Variants in CYRIA observed in about 807,000 individuals in gnomAD.
The protein encoded by CYRIA is CYFIP-related Rac1 interactor A.
CYRIA carries 15 observed loss-of-function variants against 43.9 expected under a neutral mutation model. The ratio of observed to expected loss-of-function variants is 0.34; its 90% confidence interval spans 0.23 to 0.53. The LOEUF (loss-of-function observed/expected upper bound fraction) is 0.53. Ranked by LOEUF, CYRIA falls within the 20% of genes least tolerant of loss-of-function variation. CYRIA has a pLI of 0.94. For synonymous variants in CYRIA, 117 were observed against 136.0 expected, an observed-to-expected ratio of 0.86 and a Z score of 0.97; for missense variants, 236 against 394.2, an observed-to-expected ratio of 0.60 and a Z score of 3.40.
chr2:16,606,132 G>A (rs1477461477), intron 2 of CYRIA, among the ~76,000 whole-genome samples: 1 of 152,086 alleles, frequency 6.6e-6, no homozygotes, highest in Non-Finnish European at 1.5e-5. Context: ...CCAAGTGAAT[G>A]TCCCACAAGC....
At chr2:16,638,405 T>C (rs1669568024) in intron 1 of CYRIA, among the ~76,000 whole-genome samples, 1 of 152,236 alleles carries the variant, frequency 6.6e-6, no homozygotes, top group Non-Finnish European at 1.5e-5. Context: ...TGATGGGATC[T>C]GGCCGGGAAA....
intron 1 of CYRIA, among the ~76,000 whole-genome samples, chr2:16,658,872 C>T (rs1213660579): frequency 6.6e-6 from 1 of 152,168 alleles, no homozygotes; most frequent in Non-Finnish European, 1.5e-5. Context: ...ACATAGTTAT[C>T]TTGTGTTCCT....
chr2:16,653,430 T>G (rs773111499), intron 1 of CYRIA, among the ~76,000 whole-genome samples: 2 of 152,158 alleles, frequency 1.3e-5, no homozygotes, highest in Non-Finnish European at 2.9e-5. Flanking sequence ...CTGACAACCC[T>G]ATTTAAAATA....
At chr2:16,588,500 G>C (rs892630800) in intron 2 of CYRIA, among the ~76,000 whole-genome samples, 1 of 151,678 alleles carries the variant, frequency 6.6e-6, no homozygotes, top group African/African-American at 2.4e-5. Context: ...ACAAAGTTTA[G>C]GAATGTTCTC....
intron 2 of CYRIA, among the ~76,000 whole-genome samples, chr2:16,603,539 A>G (rs573604956): frequency 6.6e-6 from 1 of 151,858 alleles, no homozygotes; most frequent in South Asian, 2.1e-4. Flanking sequence ...CCTTGGAAGG[A>G]CCCCCTGAGC....
chr2:16,593,605 C>G (rs181626785), intron 2 of CYRIA, among the ~76,000 whole-genome samples: 287 of 151,066 alleles, frequency 1.9e-3, no homozygotes, highest in African/African-American at 6.7e-3. Flanking sequence ...CGAACATAAA[C>G]AAATGCTTTT....
At chr2:16,585,720 C>A (rs1470425905) in intron 3 of CYRIA, among the ~76,000 whole-genome samples, 2 of 152,018 alleles carry the variant, frequency 1.3e-5, no homozygotes, top group Admixed American at 6.6e-5. Flanking sequence ...TTACATAAAA[C>A]ATTAAGAAAA....
At chr2:16,660,524 C>A (rs1296381899) in intron 1 of CYRIA, among the ~76,000 whole-genome samples, 1 of 152,218 alleles carries the variant, frequency 6.6e-6, no homozygotes, top group Non-Finnish European at 1.5e-5. Flanking sequence ...GTTTCCTCCC[C>A]TGATTCTCCC....
At chr2:16,571,299 G>A (rs1264145384) in intron 3 of CYRIA, among the ~76,000 whole-genome samples, 1 of 152,202 alleles carries the variant, frequency 6.6e-6, no homozygotes, top group Non-Finnish European at 1.5e-5. Flanking sequence ...ACCTGAGGCA[G>A]GGTGGAAGAT....
At chr2:16,582,425 G>A (rs1310829651) in intron 3 of CYRIA, among the ~76,000 whole-genome samples, 1 of 152,122 alleles carries the variant, frequency 6.6e-6, no homozygotes, top group Non-Finnish European at 1.5e-5. Flanking sequence ...TATATTCTTA[G>A]TGTTGTGCAA....
intron 2 of CYRIA, among the ~76,000 whole-genome samples, chr2:16,612,774 T>C (rs1445215214): frequency 6.6e-6 from 1 of 152,164 alleles, no homozygotes; most frequent in Non-Finnish European, 1.5e-5. Flanking sequence ...TGGATGCTCA[T>C]TTTATGGAAC....
chr2:16,616,910 C>A (rs898417451), intron 2 of CYRIA, among the ~76,000 whole-genome samples: 1 of 152,216 alleles, frequency 6.6e-6, no homozygotes, highest in Non-Finnish European at 1.5e-5. Flanking sequence ...TGCCCAAGAG[C>A]ATCTGGCTCC....
chr2:16,621,091 C>T (rs1362420956), intron 2 of CYRIA, among the ~76,000 whole-genome samples: 1 of 152,218 alleles, frequency 6.6e-6, no homozygotes, highest in Non-Finnish European at 1.5e-5. Context: ...AGCAACTCAA[C>T]TGCAGGGGCT....
At chr2:16,575,223 T>G (rs890134823) in intron 3 of CYRIA, among the ~76,000 whole-genome samples, 1 of 152,202 alleles carries the variant, frequency 6.6e-6, no homozygotes, top group Admixed American at 6.5e-5. Flanking sequence ...AGGAAGTAAC[T>G]AACTTGCTTT....
At chr2:16,559,324 A>G (rs1666642444) in intron 10 of CYRIA, 136 bp downstream of exon 10, 1 of 1,047,364 alleles carries the variant, frequency 9.5e-7, no homozygotes, top group Non-Finnish European at 1.4e-6. Flanking sequence ...CTGTGAGGAC[A>G]GCTGCCAGGA....
intron 1 of CYRIA, among the ~76,000 whole-genome samples, chr2:16,640,486 G>A (rs1401998323): frequency 2.0e-5 from 3 of 152,220 alleles, no homozygotes; most frequent in Admixed American, 6.5e-5. Context: ...TTGGCCAAGC[G>A]ACTAGGCTGG....
At chr2:16,575,582 G>A (rs189420976) in intron 3 of CYRIA, among the ~76,000 whole-genome samples, 274 of 152,220 alleles carry the variant, frequency 1.8e-3, no homozygotes, top group Non-Finnish European at 3.2e-3. Flanking sequence ...CCGGCCGGGC[G>A]CGGTGGCTCA....
chr2:16,606,451 T>C (rs1395397512), intron 2 of CYRIA, among the ~76,000 whole-genome samples: 35 of 151,962 alleles, frequency 2.3e-4, no homozygotes. Context: ...CCTGGGATCA[T>C]TCACCAGTCT....
chr2:16,616,233 G>A (rs918546759), intron 2 of CYRIA, among the ~76,000 whole-genome samples: 1 of 152,176 alleles, frequency 6.6e-6, no homozygotes, highest in African/African-American at 2.4e-5. Flanking sequence ...GCTGGGCAAA[G>A]TGGAGGGATC....
Sources: allele counts gnomAD v4.1 joint callset (sites outside exome capture counted in the v4.1 genomes callset), GRCh38; gene constraint gnomAD v4.1.1; transcripts MANE v1.5; gene names NCBI Gene and HGNC (gene_info 2026-07-23, HGNC 2026-07-21).